The following SESTD1 variants were observed in gnomAD, a reference collection of about 807,000 sequenced individuals.
SESTD1 encodes the protein SEC14 domain and spectrin repeat-containing protein 1.
SESTD1 carries 43 observed loss-of-function variants against 101.7 expected under a neutral mutation model. The observed-to-expected ratio is 0.42, with a 90% confidence interval of 0.33 to 0.55. SESTD1 has a LOEUF of 0.55. Ranked by LOEUF, SESTD1 falls within the 20% of genes least tolerant of loss-of-function variation. The probability of loss-of-function intolerance (pLI) is 0.07; values close to 1 mark genes in which losing one functional copy is unlikely to be tolerated. For missense variants in SESTD1, 647 were observed against 815.1 expected (o/e 0.79, Z 2.51); for synonymous variants, 283 against 286.8 (o/e 0.99, Z 0.13).
chr2:179,190,696 A>G (rs1329471945), intron 2 of SESTD1, among the ~76,000 whole-genome samples: 1 of 152,182 alleles, frequency 6.6e-6, no homozygotes, highest in Non-Finnish European at 1.5e-5. Context: ...CAAGGAAAAA[A>G]CAAATAACCC....
At chr2:179,128,742 G>GA (rs2044939220) in intron 10 of SESTD1, among the ~76,000 whole-genome samples, 1 of 131,096 alleles carries the variant, frequency 7.6e-6, no homozygotes, top group African/African-American at 2.8e-5. Context: ...AAAAAAAAAA[G>GA]AAAAGAAAAA....
At chr2:179,258,135 A>G (rs2105561101) in intron 1 of SESTD1, among the ~76,000 whole-genome samples, 1 of 152,362 alleles carries the variant, frequency 6.6e-6, no homozygotes, top group South Asian at 2.1e-4. Flanking sequence ...TAATTCTTAT[A>G]TATAGCTCCA....
At chr2:179,155,167 T>C (rs2045604583) in intron 5 of SESTD1, among the ~76,000 whole-genome samples, 1 of 152,002 alleles carries the variant, frequency 6.6e-6, no homozygotes, top group Non-Finnish European at 1.5e-5. Context: ...CCACCTGCCC[T>C]GGCCTCCTAA....
chr2:179,206,340 TGA>T (rs2105513646), intron 1 of SESTD1, among the ~76,000 whole-genome samples: 1 of 131,536 alleles, frequency 7.6e-6, no homozygotes, highest in Non-Finnish European at 1.7e-5. Context: ...CAATGAAGTG[TGA>T]GAGGGGGAAA....
At chr2:179,176,270 T>TA (rs1301512834) in intron 4 of SESTD1, among the ~76,000 whole-genome samples, 178 bp downstream of exon 4, 5 of 152,214 alleles carry the variant, frequency 3.3e-5, no homozygotes, top group African/African-American at 1.2e-4. Context: ...CTTAACTGCT[T>TA]AAATTCAAAC....
At position 179,261,305 on chromosome 2, in the gene SESTD1, A is replaced by G. The variant is rs367918122; in HGVS notation, c.-26+3194T>C. 2.8e-4 allele frequency among the ~76,000 whole-genome samples: 43 copies of G among 152,292 alleles called. No homozygotes were observed. In the South Asian group the frequency reaches 8.5e-3, roughly 30 times the overall value. On this transcript the variant is annotated intron_variant, in intron 1 of 17. Coordinates refer to ENST00000428443, the MANE Select transcript of SESTD1 (RefSeq NM_178123.5). ...TTTATTTTTCCCTCACTTTGTCACT[A>G]ATCAACCAGACATTCACAAACACAA...
At chr2:179,184,561 A>G (rs888049653) in intron 2 of SESTD1, among the ~76,000 whole-genome samples, 3 of 148,086 alleles carry the variant, frequency 2.0e-5, no homozygotes, top group Non-Finnish European at 4.5e-5. Flanking sequence ...TCATTTCTCA[A>G]AAAAAAAAAA....
At chr2:179,260,670 C>G (rs1396933633) in intron 1 of SESTD1, among the ~76,000 whole-genome samples, 1 of 152,194 alleles carries the variant, frequency 6.6e-6, no homozygotes, top group African/African-American at 2.4e-5. Flanking sequence ...TTAATCCTGA[C>G]TTCATCTTGA....
chr2:179,241,300 G>GT (rs1192079357), intron 1 of SESTD1, among the ~76,000 whole-genome samples: 1 of 152,022 alleles, frequency 6.6e-6, no homozygotes, highest in East Asian at 1.9e-4. Flanking sequence ...AAAAGTACTT[G>GT]AAGAAATTAA....
At chr2:179,252,304 T>G (rs1246234540) in intron 1 of SESTD1, among the ~76,000 whole-genome samples, 1 of 152,248 alleles carries the variant, frequency 6.6e-6, no homozygotes, top group Non-Finnish European at 1.5e-5. Context: ...AATTATAAAG[T>G]AGTAGTGGCT....
intron 1 of SESTD1, among the ~76,000 whole-genome samples, chr2:179,205,890 A>C (rs1278137540): frequency 7.4e-6 from 1 of 134,840 alleles, no homozygotes; most frequent in Non-Finnish European, 1.6e-5. Context: ...CTAATAAAAA[A>C]TAATTATCAC....
chr2:179,201,365 C>T lies in SESTD1; in HGVS notation c.-25-9499G>A, dbSNP rs1403493336. On this transcript the variant is annotated intron_variant, in intron 1 of 17. Coordinates refer to ENST00000428443, the MANE Select transcript of SESTD1 (RefSeq NM_178123.5). ...TCAACCATTGTGGAAGTCAGTGTGG[C>T]GATTCCTCAGGGATCTAGAACTAGA... Among the ~76,000 whole-genome samples the T allele has an allele frequency of 5.6e-5, 7 of 125,234 alleles. 3 individuals carry two copies. The highest frequency in any genetic ancestry group is 1.1e-4 in the Non-Finnish European group (7 of 60,900). 82.2% of individuals were successfully genotyped at this position (125,234 alleles called of 152,430 possible). A position where few individuals can be genotyped will look rare whatever the true frequency, so the allele number is the denominator to read the frequency against.
intron 5 of SESTD1, among the ~76,000 whole-genome samples, chr2:179,158,532 T>G (rs1004103023): frequency 2.0e-5 from 3 of 152,198 alleles, no homozygotes; most frequent in Non-Finnish European, 4.4e-5. Flanking sequence ...TTAACTTAAA[T>G]GTAAACAGTA....
At chr2:179,208,859 A>C (rs1574037280) in intron 1 of SESTD1, among the ~76,000 whole-genome samples, 1 of 134,996 alleles carries the variant, frequency 7.4e-6, no homozygotes, top group South Asian at 2.8e-4. Context: ...TGAATAGAAT[A>C]GTACCTCACA....
intron 5 of SESTD1, among the ~76,000 whole-genome samples, chr2:179,166,484 G>C (rs2045837249): frequency 6.6e-6 from 1 of 152,170 alleles, no homozygotes; most frequent in Admixed American, 6.5e-5. Flanking sequence ...ACAGGGGAGG[G>C]AGTAGACCCA....
intron 10 of SESTD1, 133 bp from the exon 11 acceptor site, chr2:179,124,691 G>A (rs1430554520): frequency 7.0e-6 from 5 of 709,806 alleles, no homozygotes; most frequent in South Asian, 4.1e-5. Flanking sequence ...TAAAATTGAG[G>A]GTGGAAAGTT....
chr2:179,142,723 C>T (rs1349961852), intron 9 of SESTD1, among the ~76,000 whole-genome samples: 8 of 152,200 alleles, frequency 5.3e-5, no homozygotes, highest in African/African-American at 1.9e-4. Flanking sequence ...ATCTCAAATG[C>T]TACTTCCCCC....
intron 5 of SESTD1, among the ~76,000 whole-genome samples, chr2:179,153,172 G>GT: frequency 6.6e-6 from 1 of 152,168 alleles, no homozygotes; most frequent in Middle Eastern, 3.2e-3. Flanking sequence ...ATTAAAAAGT[G>GT]TAACTTATCA....
intron 5 of SESTD1, among the ~76,000 whole-genome samples, chr2:179,154,026 T>C (rs533198606): frequency 1.3e-5 from 2 of 148,776 alleles, no homozygotes; most frequent in Non-Finnish European, 3.0e-5. Context: ...AGAGGATTGC[T>C]TGAAACCAGG....
Sources: allele counts gnomAD v4.1 joint callset (sites outside exome capture counted in the v4.1 genomes callset), GRCh38; gene constraint gnomAD v4.1.1; transcripts MANE v1.5; gene names NCBI Gene and HGNC (gene_info 2026-07-23, HGNC 2026-07-21).